Variants in PAPPA2 observed in about 807,000 individuals in gnomAD.
PAPPA2 encodes pappalysin 2, also known as pappalysin-2.
Under a neutral mutation model 176.4 loss-of-function variants are expected in PAPPA2, and 86 were observed. The observed-to-expected ratio is 0.49, with a 90% CI of 0.41 to 0.58. The LOEUF (loss-of-function observed/expected upper bound fraction) is 0.58. Ranked by LOEUF, PAPPA2 falls within the 20% of genes least tolerant of loss-of-function variation. PAPPA2 has a pLI of 0.00. For missense variants in PAPPA2, 2,073 were observed against 2,256.9 expected, an observed-to-expected ratio of 0.92 and a Z score of 1.65; for synonymous variants, 809 against 852.2, an observed-to-expected ratio of 0.95 and a Z score of 0.88.
chr1:176,771,174 T>A lies in PAPPA2; in HGVS notation c.4709T>A (p.Val1570Asp). 1 of 1,614,050 alleles carries A rather than the reference T, an allele frequency of 6.2e-7. No homozygotes were observed. Among genetic ancestry groups the A allele is most frequent in the Non-Finnish European group, 8.5e-7 (1 of 1,179,898 alleles). ...GTGGCAGAAAGTGCAGAGGGTAAAG[T>A]CAGGAAGTAAGTTGAATGTTCCTGG... Reference protein sequence around the residue: ...YYVAESAEGKVRNKLLKIQCL... With the variant: ...YYVAESAEGKDRNKLLKIQCL... Residue 1570 changes from valine to aspartate, a missense_variant, in exon 17 of 23, where the codon GTC becomes GAC. Physicochemically the swap from Val to Asp is radical, Grantham distance 152. Transcript: ENST00000367662.
chr1:176,713,816 A>G (rs1661248823), intron 12 of PAPPA2, among the ~76,000 whole-genome samples: 1 of 152,206 alleles, frequency 6.6e-6, no homozygotes, highest in East Asian at 1.9e-4. Flanking sequence ...TGTGTTTTGT[A>G]TAACTAATTA....
chr1:176,760,307 G>T (rs1020725674), intron 14 of PAPPA2, among the ~76,000 whole-genome samples: 7 of 152,062 alleles, frequency 4.6e-5, no homozygotes, highest in African/African-American at 1.7e-4. Context: ...TTGATAATTT[G>T]AGTTTAATAT....
chr1:176,725,329 C>T (rs891062276), intron 12 of PAPPA2, among the ~76,000 whole-genome samples: 1 of 152,152 alleles, frequency 6.6e-6, no homozygotes, highest in Admixed American at 6.5e-5. Flanking sequence ...AATATCTATT[C>T]TATATCATGT....
At chr1:176,734,306 T>C (rs570888191) in intron 12 of PAPPA2, among the ~76,000 whole-genome samples, 50 of 152,138 alleles carry the variant, frequency 3.3e-4, no homozygotes, top group African/African-American at 1.0e-3. Context: ...AAATCATACA[T>C]TGTTGAATGT....
chr1:176,745,245 GT>G (rs1305641542), intron 14 of PAPPA2, among the ~76,000 whole-genome samples: 4 of 152,172 alleles, frequency 2.6e-5, no homozygotes, highest in African/African-American at 9.7e-5. Flanking sequence ...TTTCTCTGCT[GT>G]TTCTGGTGTA....
chr1:176,634,972 TAGA>T (rs1656606475), intron 3 of PAPPA2, among the ~76,000 whole-genome samples: 2 of 131,664 alleles, frequency 1.5e-5, no homozygotes, highest in African/African-American at 6.7e-5. Flanking sequence ...GATAAATAGA[TAGA>T]TAGATAGATA....
At chr1:176,541,899 G>A (rs144504843) in intron 1 of PAPPA2, among the ~76,000 whole-genome samples, 8 of 152,314 alleles carry the variant, frequency 5.3e-5, no homozygotes, top group East Asian at 3.9e-4. Context: ...TGGAGCTGTT[G>A]TAGTCATGCT....
chr1:176,514,830 G>T (rs982702530), intron 1 of PAPPA2, among the ~76,000 whole-genome samples: 1 of 152,182 alleles, frequency 6.6e-6, no homozygotes, highest in African/African-American at 2.4e-5. Context: ...AGCCTCTCCG[G>T]CTTGTGCATA....
At chr1:176,769,092 A>C (rs546859500) in intron 15 of PAPPA2, among the ~76,000 whole-genome samples, 347 of 152,342 alleles carry the variant, frequency 2.3e-3, no homozygotes, top group African/African-American at 8.1e-3. Context: ...AGGAGTGCAG[A>C]ATCACAGGAA....
chr1:176,797,651 T>C (rs1423360032), intron 20 of PAPPA2, among the ~76,000 whole-genome samples: 2 of 151,566 alleles, frequency 1.3e-5, no homozygotes, highest in Non-Finnish European at 2.9e-5. Context: ...AAAAAATATA[T>C]ATATAAATAA....
intron 1 of PAPPA2, among the ~76,000 whole-genome samples, chr1:176,520,346 C>A (rs952337273): frequency 2.0e-5 from 3 of 152,098 alleles, no homozygotes; most frequent in Non-Finnish European, 4.4e-5. Context: ...CTTGAACTAC[C>A]CCAATTCAGT....
chr1:176,550,151 T>A (rs1351816893), intron 1 of PAPPA2, among the ~76,000 whole-genome samples: 1 of 152,206 alleles, frequency 6.6e-6, no homozygotes, highest in East Asian at 1.9e-4. Context: ...CATTTGAAAT[T>A]GTTTCTGGCT....
At chr1:176,732,041 C>G (rs1428164761) in intron 12 of PAPPA2, among the ~76,000 whole-genome samples, 2 of 152,058 alleles carry the variant, frequency 1.3e-5, no homozygotes, top group Non-Finnish European at 2.9e-5. Context: ...TAGTCAGATG[C>G]TAATCACTTA....
At chr1:176,605,451 T>G (rs1053959228) in intron 3 of PAPPA2, among the ~76,000 whole-genome samples, 4 of 152,210 alleles carry the variant, frequency 2.6e-5, no homozygotes, top group Admixed American at 6.5e-5. Flanking sequence ...AGGGTACATA[T>G]TTCTCTAAAT....
At chr1:176,784,025 GA>G (rs1446049066) in intron 17 of PAPPA2, among the ~76,000 whole-genome samples, 1 of 152,210 alleles carries the variant, frequency 6.6e-6, no homozygotes, top group African/African-American at 2.4e-5. Flanking sequence ...GTTATATTAT[GA>G]TTTGAAAACT....
intron 3 of PAPPA2, among the ~76,000 whole-genome samples, chr1:176,600,864 G>A (rs933201242): frequency 1.9e-4 from 29 of 152,178 alleles, no homozygotes; most frequent in African/African-American, 7.0e-4. Context: ...AGAAAGTGGG[G>A]GACAGACCTA....
chr1:176,707,953 A>G (rs1400069424), intron 10 of PAPPA2, among the ~76,000 whole-genome samples: 2 of 152,158 alleles, frequency 1.3e-5, no homozygotes, highest in African/African-American at 4.8e-5. Context: ...GTCAGTGCCC[A>G]GAAGGGAATC....
At chr1:176,492,787 G>A (rs1351389287) in intron 1 of PAPPA2, among the ~76,000 whole-genome samples, 1 of 152,124 alleles carries the variant, frequency 6.6e-6, no homozygotes, top group South Asian at 2.1e-4. Context: ...GGTTTCCAAA[G>A]CATTTTATTT....
intron 21 of PAPPA2, among the ~76,000 whole-genome samples, chr1:176,803,781 T>G (rs1300411719): frequency 6.6e-6 from 1 of 152,244 alleles, no homozygotes; most frequent in African/African-American, 2.4e-5. Flanking sequence ...TCCCCATTGT[T>G]TTCACATTTA....
Sources: allele counts gnomAD v4.1 joint callset (sites outside exome capture counted in the v4.1 genomes callset), GRCh38; gene constraint gnomAD v4.1.1; transcripts MANE v1.5; gene names NCBI Gene and HGNC (gene_info 2026-07-23, HGNC 2026-07-21).